Variants in AGBL4 observed in about 807,000 individuals in gnomAD.
AGBL4 encodes the protein AGBL carboxypeptidase 4, also known as cytosolic carboxypeptidase 6.
AGBL4 carries 58 observed loss-of-function variants against 66.4 expected under a neutral mutation model. The ratio of observed to expected loss-of-function variants is 0.87; its 90% CI spans 0.71 to 1.09. The LOEUF (loss-of-function observed/expected upper bound fraction) is 1.09. Ranked by LOEUF, AGBL4 falls within the 50% of genes least tolerant of loss-of-function variation. The pLI is 0.00. For synonymous variants in AGBL4, 234 were observed against 222.9 expected (o/e 1.05, Z -0.44); for missense variants, 579 against 631.0 (o/e 0.92, Z 0.88).
intron 3 of AGBL4, among the ~76,000 whole-genome samples, chr1:49,466,082 T>C (rs894986272): frequency 2.0e-5 from 3 of 151,876 alleles, no homozygotes; most frequent in Non-Finnish European, 2.9e-5. Context: ...GGTTCATATA[T>C]ATCTGAATCA....
In AGBL4 at chr1:48,539,701, C is replaced by A; in HGVS notation, c.1305G>T (p.Leu435Phe). The A allele has an allele frequency of 6.5e-7, 1 of 1,544,308 alleles. No individual in the cohort carries two copies. Among genetic ancestry groups the A allele is most frequent in the South Asian group, 1.2e-5 (1 of 83,166 alleles). ...KLGRNVARTF[L>F]DYYRLNPVVE... ...CCACGGGGTTCAGCCGATAATAGTC[C>A]AAAAAGGTTCTTGCCACATTCCGCC... Residue 435 changes from leucine to phenylalanine, a missense_variant, in exon 12 of 14, where the codon TTG becomes TTT. By Grantham distance (22) the Leu-to-Phe change is conservative. Coordinates refer to ENST00000371839, the MANE Select transcript of AGBL4 (RefSeq NM_032785.4).
rs151213516 is a variant in AGBL4 at position 49,967,878 on chromosome 1, G to A, written c.34+55885C>T. ...ATATTTATTCTTTTGTAATTGCTAGGTATAGACTTTACAGGGTTTTTTCAA... is the reference window on the plus strand; with the variant it reads ...ATATTTATTCTTTTGTAATTGCTAGATATAGACTTTACAGGGTTTTTTCAA... On this transcript the variant is annotated intron_variant, in intron 1 of 13. Transcript: ENST00000371839. Among the ~76,000 whole-genome samples, 16 of 152,090 alleles carry A rather than the reference G, an allele frequency of 1.1e-4. No homozygotes were observed. The East Asian group carries it at 3.1e-3, about 29-fold the overall frequency.
intron 1 of AGBL4, among the ~76,000 whole-genome samples, chr1:49,857,499 A>G (rs1258638211): frequency 6.6e-6 from 1 of 152,176 alleles, no homozygotes; most frequent in Admixed American, 6.5e-5. Context: ...AATAGTCAAA[A>G]TAACACAGTG....
At chr1:48,917,989 G>A (rs1417041550) in intron 5 of AGBL4, among the ~76,000 whole-genome samples, 2 of 152,222 alleles carry the variant, frequency 1.3e-5, no homozygotes, top group East Asian at 1.9e-4. Flanking sequence ...GGACAAAGGA[G>A]CAGACTCCCC....
At chr1:49,425,519 T>G (rs1330734687) in intron 3 of AGBL4, among the ~76,000 whole-genome samples, 3 of 152,252 alleles carry the variant, frequency 2.0e-5, no homozygotes, top group Non-Finnish European at 2.9e-5. Flanking sequence ...ATTTATTGTT[T>G]CTTTTCTTAT....
chr1:49,986,494 G>A (rs1477865554), intron 1 of AGBL4, among the ~76,000 whole-genome samples: 1 of 151,858 alleles, frequency 6.6e-6, no homozygotes, highest in Non-Finnish European at 1.5e-5. Context: ...CATCTTTGGT[G>A]CACATATGTA....
At chr1:49,819,091 A>G (rs887863007) in intron 2 of AGBL4, among the ~76,000 whole-genome samples, 1 of 152,192 alleles carries the variant, frequency 6.6e-6, no homozygotes, top group Non-Finnish European at 1.5e-5. Context: ...GAGATAAAGT[A>G]TATAATGTTT....
intron 4 of AGBL4, among the ~76,000 whole-genome samples, chr1:49,140,240 A>G (rs962224051): frequency 2.0e-5 from 3 of 152,240 alleles, no homozygotes; most frequent in African/African-American, 7.2e-5. Flanking sequence ...TTTATGAGGT[A>G]CATTCCCATA....
At chr1:49,075,572 C>T (rs1224845813) in intron 4 of AGBL4, among the ~76,000 whole-genome samples, 1 of 151,792 alleles carries the variant, frequency 6.6e-6, no homozygotes, top group Admixed American at 6.6e-5. Context: ...TTTATGGAGC[C>T]CCTAAATGCA....
At chr1:48,968,720 C>G (rs1349798700) in intron 5 of AGBL4, among the ~76,000 whole-genome samples, 1 of 152,112 alleles carries the variant, frequency 6.6e-6, no homozygotes, top group East Asian at 1.9e-4. Flanking sequence ...TATGCTGCCT[C>G]TTTTTTAGCC....
At chr1:49,659,984 G>T (rs947124957) in intron 3 of AGBL4, among the ~76,000 whole-genome samples, 1 of 151,928 alleles carries the variant, frequency 6.6e-6, no homozygotes, top group African/African-American at 2.4e-5. Flanking sequence ...GTAAAACCCA[G>T]AACTATAAAA....
intron 2 of AGBL4, among the ~76,000 whole-genome samples, chr1:49,698,293 T>G (rs771697214): frequency 6.6e-6 from 1 of 152,156 alleles, no homozygotes; most frequent in Admixed American, 6.6e-5. Flanking sequence ...AATAGAAACA[T>G]GAAAATTTAT....
At chr1:49,634,336 A>G (rs1645629601) in intron 3 of AGBL4, among the ~76,000 whole-genome samples, 2 of 152,138 alleles carry the variant, frequency 1.3e-5, no homozygotes, top group African/African-American at 4.8e-5. Context: ...TTACTGTGTT[A>G]GTTTGCTGAG....
Position 49,868,721 on chromosome 1 carries a change from A to T in AGBL4, c.35-17203T>A, listed in dbSNP as rs973500882. Among the ~76,000 whole-genome samples the T allele has an allele frequency of 2.0e-5, 3 of 152,350 alleles. No individual in the cohort carries two copies. The East Asian group carries it at 5.8e-4, about 29-fold the overall frequency. On this transcript the variant is annotated intron_variant, in intron 1 of 13. Transcript: ENST00000371839. ...AAGATTTCATGATGAAAACGTCAAA[A>T]GCAATTGCAACAAAAGCAAAAACTG... is the stretch of plus-strand genomic sequence containing the variant.
chr1:49,185,733 G>A (rs1232096799), intron 4 of AGBL4, among the ~76,000 whole-genome samples: 1 of 152,004 alleles, frequency 6.6e-6, no homozygotes, highest in Non-Finnish European at 1.5e-5. Context: ...ATTTTACTTG[G>A]CTTATGCAAT....
intron 3 of AGBL4, among the ~76,000 whole-genome samples, chr1:49,285,943 C>T (rs1361615687): frequency 2.6e-5 from 4 of 152,196 alleles, no homozygotes; most frequent in East Asian, 1.9e-4. Flanking sequence ...CCTTGATGAA[C>T]ATTGATGCAA....
chr1:48,977,303 G>C (rs1449902749), intron 5 of AGBL4, among the ~76,000 whole-genome samples: 1 of 152,028 alleles, frequency 6.6e-6, no homozygotes, highest in African/African-American at 2.4e-5. Flanking sequence ...ATATTTATTT[G>C]TTTTAATATA....
At chr1:48,566,776 A>G (rs1644483443) in intron 11 of AGBL4, among the ~76,000 whole-genome samples, 1 of 152,160 alleles carries the variant, frequency 6.6e-6, no homozygotes, top group Admixed American at 6.5e-5. Flanking sequence ...TTGTTCTTGA[A>G]AAGTAACATT....
intron 3 of AGBL4, among the ~76,000 whole-genome samples, chr1:49,609,215 C>G (rs1645111382): frequency 6.6e-6 from 1 of 152,150 alleles, no homozygotes; most frequent in South Asian, 2.1e-4. Flanking sequence ...TACTAGAATT[C>G]AAGTCCAGAT....
Sources: gnomAD v4.1 joint callset for allele counts (sites outside exome capture counted in the v4.1 genomes callset) on GRCh38, gnomAD v4.1.1 for gene constraint, MANE v1.5 for transcripts, NCBI Gene and HGNC (gene_info 2026-07-23, HGNC 2026-07-21) for gene names.